Variants in C19orf44 observed in about 807,000 individuals in gnomAD.
The protein encoded by C19orf44 is chromosome 19 open reading frame 44.
Under a neutral mutation model 50.7 loss-of-function variants are expected in C19orf44, and 43 were observed. The observed-to-expected ratio is 0.85, with a 90% confidence interval of 0.66 to 1.09. The LOEUF (loss-of-function observed/expected upper bound fraction) is 1.09, where lower values mean the gene tolerates loss of function less well. C19orf44 is among the 50% of genes least tolerant of loss of function. The pLI, the probability that C19orf44 is intolerant of heterozygous loss-of-function variation, is 0.00. For missense variants in C19orf44, 722 were observed against 836.2 expected (o/e 0.86, Z 1.68); for synonymous variants, 298 against 334.7 (o/e 0.89, Z 1.20).
At chr19:16,512,094 A>G (rs2093458957) in intron 5 of C19orf44, among the ~76,000 whole-genome samples, 1 of 151,694 alleles carries the variant, frequency 6.6e-6, no homozygotes, top group Non-Finnish European at 1.5e-5. Flanking sequence ...TTAACCTAAC[A>G]TCAGCCTGAC....
At chr19:16,518,376 T>TC (rs2085567826) in intron 8 of C19orf44, 1 of 152,092 alleles carries the variant, frequency 6.6e-6, no homozygotes, top group Admixed American at 6.6e-5. Context: ...GAGGCAGCGC[T>TC]CAACCTGAAG....
Position 16,520,254 on chromosome 19 carries a change from C to T in C19orf44, c.*201C>T. The T allele has an allele frequency of 6.2e-7, 1 of 1,613,428 alleles. No homozygotes were observed. The highest frequency in any genetic ancestry group is 8.5e-7 in the Non-Finnish European group (1 of 1,179,992). ...GGAGCGGCTTCTGGAGGAGCGCGAC[C>T]TGCTCCGACTTCTGCAGGGAAGGGT... On this transcript the variant is annotated 3_prime_UTR_variant, in exon 9 of 9. Coordinates refer to ENST00000221671, the MANE Select transcript of C19orf44 (RefSeq NM_032207.4). The surrounding 1 kb of genome is among the most constrained non-coding windows in gnomAD (Gnocchi z 4.0).
chr19:16,520,618 G>GTGGC lies in C19orf44; in HGVS notation c.*566_*569dup, dbSNP rs1262910875. On this transcript the variant is annotated 3_prime_UTR_variant, in exon 9 of 9. Coordinates refer to ENST00000221671, the MANE Select transcript of C19orf44 (RefSeq NM_032207.4). The surrounding 1 kb of genome is among the most constrained non-coding windows in gnomAD (Gnocchi z 4.0). ...AGATGCAGGGGCTCTGGCTGTGGAT[G>GTGGC]TGGCGCCATAGCCACAGCAACGGTA... is the stretch of plus-strand genomic sequence containing the variant. 2.8e-5 allele frequency: 37 copies of GTGGC among 1,314,282 alleles called. No individual in the cohort carries two copies. Among genetic ancestry groups the GTGGC allele is most frequent in the Non-Finnish European group, 3.9e-5 (37 of 940,886 alleles). 81.4% of individuals were successfully genotyped at this position (1,314,282 alleles called of 1,614,324 possible).
At position 16,520,640 on chromosome 19, in the gene C19orf44, G is replaced by C. The variant is rs566239177; in HGVS notation, c.*587G>C. 3 of 1,209,816 alleles carry C rather than the reference G, an allele frequency of 2.5e-6. No individual in the cohort carries two copies. The East Asian group carries it at 7.0e-5, about 28-fold the overall frequency. The allele number at this position is 1,209,816 out of a possible 1,614,324, so 74.9% of individuals were successfully genotyped here. A position where few individuals can be genotyped will look rare whatever the true frequency, so the allele number is the denominator to read the frequency against. ...GATGTGGCGCCATAGCCACAGCAAC[G>C]GTACCAAGTTCCTAAATAGTGTGGC... On this transcript the variant is annotated 3_prime_UTR_variant, in exon 9 of 9. Coordinates refer to ENST00000221671, the MANE Select transcript of C19orf44 (RefSeq NM_032207.4). This position sits in a 1 kb window ranked among gnomAD's most constrained non-coding sequence, Gnocchi z 4.0.
chr19:16,511,294 C>T (rs2093456566), intron 5 of C19orf44, among the ~76,000 whole-genome samples: 1 of 152,134 alleles, frequency 6.6e-6, no homozygotes, highest in Non-Finnish European at 1.5e-5. Context: ...CTCGGCCTCT[C>T]AAAGTGCTGG....
At chr19:16,505,570 A>T (rs1261708484) in intron 3 of C19orf44, among the ~76,000 whole-genome samples, 1 of 151,992 alleles carries the variant, frequency 6.6e-6, no homozygotes, top group Non-Finnish European at 1.5e-5. Context: ...TCCTTTACAC[A>T]TTGTCTATGG....
intron 1 of C19orf44, among the ~76,000 whole-genome samples, chr19:16,498,950 G>A (rs902231540): frequency 3.4e-4 from 52 of 152,222 alleles, no homozygotes; most frequent in African/African-American, 7.7e-4. Context: ...GATTACAGGC[G>A]TGAGCCACCA....
Position 16,501,203 on chromosome 19 carries a change from G to A in C19orf44, c.411G>A (p.Gly137=). 1 of 1,614,088 alleles carries A rather than the reference G, an allele frequency of 6.2e-7. No homozygotes were observed. Residue 137 remains glycine (G), a synonymous_variant, in exon 2 of 9, where the codon GGG becomes GGA. Transcript: ENST00000221671. ...LPKRADRILS[G]GALELASQNT... is the part of the protein sequence containing the mutation. ...AGAGAGCTGACAGAATCCTCTCTGGGGGTGCACTCGAACTCGCGTCCCAGA... is the reference window on the plus strand; with the variant it reads ...AGAGAGCTGACAGAATCCTCTCTGGAGGTGCACTCGAACTCGCGTCCCAGA...
At chr19:16,505,170 A>G (rs1344943166) in intron 3 of C19orf44, among the ~76,000 whole-genome samples, 2 of 150,552 alleles carry the variant, frequency 1.3e-5, no homozygotes, top group Non-Finnish European at 3.0e-5. Context: ...CAGCCTCCCA[A>G]AGTGCTGGGA....
At position 16,516,077 on chromosome 19, in the gene C19orf44, C is replaced by T. The variant is rs1424299966; in HGVS notation, c.1903-1153C>T. On this transcript the variant is annotated intron_variant, in intron 7 of 8. Transcript: ENST00000221671. ...CCTCCCAAAGTGCTGGGATTATAGG[C>T]GTGAGCCACCGCCCCCTGCTTTAAA... Among the ~76,000 whole-genome samples, 16 of 152,262 alleles carry T rather than the reference C, an allele frequency of 1.1e-4. No individual in the cohort carries two copies. The East Asian group carries it at 1.4e-3, about 13-fold the overall frequency.
At chr19:16,496,687 G>A (rs7246005) in intron 1 of C19orf44, 131,725 of 156,190 alleles carry the variant, frequency 0.84, 55,721 homozygotes, top group South Asian at 0.88. Flanking sequence ...GGGTTTTCAA[G>A]TTTTGGTTTG....
intron 3 of C19orf44, among the ~76,000 whole-genome samples, chr19:16,505,495 T>C (rs1024548055): frequency 1.3e-5 from 2 of 151,866 alleles, no homozygotes; most frequent in Non-Finnish European, 2.9e-5. Flanking sequence ...ATTACAGGCA[T>C]GAGCCACTGC....
rs1599724554 is a variant in C19orf44, at chr19:16,496,440, T to C, written c.-27T>C. The C allele has an allele frequency of 1.6e-5, 6 of 382,060 alleles. 1 individual carries two copies. In the East Asian group the frequency reaches 2.2e-4, roughly 14 times the overall value. 23.7% of individuals were successfully genotyped at this position (382,060 alleles called of 1,614,324 possible). On this transcript the variant is annotated 5_prime_UTR_variant, in exon 1 of 9. Transcript: ENST00000221671. ...TTCAGGCGTGAATGTGGCGGCTGCC[T>C]CTGCGAATGGACGGCGTGGGAAGAG... is the stretch of plus-strand genomic sequence containing the variant.
At chr19:16,518,874 CG>C (rs2085576408) in intron 8 of C19orf44, 5 of 440,810 alleles carry the variant, frequency 1.1e-5, no homozygotes, top group South Asian at 5.2e-5. Flanking sequence ...TTTACTCGGG[CG>C]GAGGGTCTTG....
At chr19:16,514,091 G>A (rs1389544759) in intron 6 of C19orf44, among the ~76,000 whole-genome samples, 2 of 151,700 alleles carry the variant, frequency 1.3e-5, no homozygotes, top group Admixed American at 6.6e-5. Context: ...AGGTTCAAGC[G>A]ATTCTCCTGC....
intron 6 of C19orf44, among the ~76,000 whole-genome samples, chr19:16,513,643 CA>C (rs2093463888): frequency 6.6e-6 from 1 of 152,182 alleles, no homozygotes; most frequent in African/African-American, 2.4e-5. Context: ...CTCGGTCTCC[CA>C]AAGTTCTGGG....
At position 16,506,759 on chromosome 19, in the gene C19orf44, C is replaced by T. The variant is rs1197107312; in HGVS notation, c.1134C>T (p.Ser378=). ...DGLAPAVSEN[S]DLEQEEESAQ... ...TGGCTCCAGCTGTCAGTGAGAACTC[C>T]GATTTGGAACAGGAAGTAAGTACAA... The change falls in exon 4 of 9, where the codon TCC becomes TCT. Residue 378 remains serine (S), a synonymous_variant. Transcript: ENST00000221671. 8 of 1,603,200 alleles carry T rather than the reference C, an allele frequency of 5.0e-6. No homozygotes were observed. Among genetic ancestry groups the T allele is most frequent in the South Asian group, 2.3e-5 (2 of 88,560 alleles).
At position 16,519,976 on chromosome 19, in the gene C19orf44, G is replaced by C; in HGVS notation, c.*41-118G>C. ...GGTTAGAAAGCAGACCCCAGTTACTGCCTCAGGCTTCGCCAAGTGGCTACT... is the reference window on the plus strand; with the variant it reads ...GGTTAGAAAGCAGACCCCAGTTACTCCCTCAGGCTTCGCCAAGTGGCTACT... On this transcript the variant is annotated intron_variant, in intron 8 of 8. Coordinates refer to ENST00000221671, the MANE Select transcript of C19orf44 (RefSeq NM_032207.4). This position sits in a 1 kb window ranked among gnomAD's most constrained non-coding sequence, Gnocchi z 6.0. 2 of 732,180 alleles carry C rather than the reference G, an allele frequency of 2.7e-6. No individual in the cohort carries two copies. Among genetic ancestry groups the C allele is most frequent in the East Asian group, 5.2e-5 (2 of 38,648 alleles). The allele number at this position is 732,180 out of a possible 1,614,324, so 45.4% of individuals were successfully genotyped here.
rs2093442225 is a variant in C19orf44, at chr19:16,506,888, C to T, written c.1149+114C>T. 4.2e-6 allele frequency: 3 copies of T among 718,762 alleles called. No individual in the cohort carries two copies. In the East Asian group the frequency reaches 8.7e-5, roughly 21 times the overall value. The allele number at this position is 718,762 out of a possible 1,614,324, so 44.5% of individuals were successfully genotyped here. ...GCAGGGTCTCACTATGTTGCCCAGG[C>T]CGTCCTCAAACTGGGCTCAAGCAAT... On this transcript the variant is annotated intron_variant, in intron 4 of 8. Transcript: ENST00000221671.
Sources: gnomAD v4.1 joint callset for allele counts (sites outside exome capture counted in the v4.1 genomes callset) on GRCh38, gnomAD v4.1.1 for gene constraint, Gnocchi (gnomAD v3.1) non-coding constraint, MANE v1.5 for transcripts, NCBI Gene and HGNC (gene_info 2026-07-23, HGNC 2026-07-21) for gene names.